PPM1E: variants seen among roughly 807,000 people sequenced by gnomAD.
PPM1E encodes the protein protein phosphatase, Mg2+/Mn2+ dependent 1E, also known as protein phosphatase 1E.
Under a neutral mutation model 65.9 loss-of-function variants are expected in PPM1E, and 20 were observed. The observed-to-expected ratio is 0.30, with a 90% CI of 0.21 to 0.44. The LOEUF (loss-of-function observed/expected upper bound fraction) is 0.44. PPM1E is among the 20% of genes least tolerant of loss of function. The pLI is 1.00. For synonymous variants in PPM1E, 352 were observed against 374.9 expected (o/e 0.94, Z 0.70); for missense variants, 713 against 953.1 (o/e 0.75, Z 3.32).
At chr17:58,845,754 C>G (rs2050764796) in intron 1 of PPM1E, among the ~76,000 whole-genome samples, 1 of 152,178 alleles carries the variant, frequency 6.6e-6, no homozygotes, top group Admixed American at 6.5e-5. Flanking sequence ...GATCTTGGCT[C>G]ACTGCAACCT....
Position 58,756,466 on chromosome 17 carries a change from A to G in PPM1E, c.464+5A>G. On this transcript the variant is annotated splice_donor_5th_base_variant and intron_variant, in intron 1 of 6. Coordinates refer to ENST00000308249, the MANE Select transcript of PPM1E (RefSeq NM_014906.5). ...CCTGCAGCAGCTCTACAAATAGTTA[A>G]GTAGCTGGGCTTGGCTGGTGGTGGG... 7.8e-7 allele frequency: 1 copy of G among 1,290,094 alleles called. No homozygotes were observed. Among genetic ancestry groups the G allele is most frequent in the Non-Finnish European group, 9.8e-7 (1 of 1,017,516 alleles). 79.9% of individuals were successfully genotyped at this position (1,290,094 alleles called of 1,614,324 possible).
chr17:58,912,590 A>C (rs971410342), intron 1 of PPM1E, among the ~76,000 whole-genome samples: 4 of 152,162 alleles, frequency 2.6e-5, no homozygotes, highest in African/African-American at 9.7e-5. Context: ...GAAATAATAC[A>C]TTTGGTCTTC....
At chr17:58,893,208 A>T (rs1300432397) in intron 1 of PPM1E, among the ~76,000 whole-genome samples, 1 of 152,202 alleles carries the variant, frequency 6.6e-6, no homozygotes, top group Non-Finnish European at 1.5e-5. Context: ...AGCAACCAAG[A>T]TGTCCTTTAG....
At chr17:58,765,210 G>A (rs1268341059) in intron 1 of PPM1E, among the ~76,000 whole-genome samples, 2 of 139,834 alleles carry the variant, frequency 1.4e-5, no homozygotes, top group East Asian at 2.1e-4. Flanking sequence ...ACAGGGTCTC[G>A]CTCTGTCACC....
chr17:58,927,603 T>C (rs2051840072), intron 1 of PPM1E, among the ~76,000 whole-genome samples: 1 of 152,106 alleles, frequency 6.6e-6, no homozygotes, highest in Admixed American at 6.6e-5. Flanking sequence ...ACTGTAGCAG[T>C]GTTACCTCAA....
chr17:58,931,313 G>A (rs2143569627), intron 1 of PPM1E, among the ~76,000 whole-genome samples: 1 of 151,984 alleles, frequency 6.6e-6, no homozygotes, highest in East Asian at 1.9e-4. Flanking sequence ...TTGAACCCGG[G>A]AGGCGGAGGT....
At chr17:58,892,999 T>G (rs2051366907) in intron 1 of PPM1E, among the ~76,000 whole-genome samples, 1 of 152,258 alleles carries the variant, frequency 6.6e-6, no homozygotes, top group Admixed American at 6.5e-5. Flanking sequence ...CTCTCATTCA[T>G]TGCTGGTTGG....
At chr17:58,869,397 T>C (rs4464137) in intron 1 of PPM1E, among the ~76,000 whole-genome samples, 151,650 of 152,278 alleles carry the variant, frequency 1, 75,514 homozygotes, top group Middle Eastern at 1. Flanking sequence ...GCAGATCATT[T>C]GTGAGTGGCT....
At chr17:58,911,599 A>G (rs953659082) in intron 1 of PPM1E, among the ~76,000 whole-genome samples, 1 of 152,134 alleles carries the variant, frequency 6.6e-6, no homozygotes, top group Non-Finnish European at 1.5e-5. Context: ...CTAGAGGTTT[A>G]TTTCTTTGGT....
At chr17:58,851,640 A>G (rs1181124167) in intron 1 of PPM1E, among the ~76,000 whole-genome samples, 1 of 152,136 alleles carries the variant, frequency 6.6e-6, no homozygotes, top group Non-Finnish European at 1.5e-5. Context: ...CTTCCTCTGG[A>G]AGTTTCGTCT....
At chr17:58,832,167 C>G (rs749864012) in intron 1 of PPM1E, among the ~76,000 whole-genome samples, 2 of 152,100 alleles carry the variant, frequency 1.3e-5, no homozygotes, top group South Asian at 2.1e-4. Flanking sequence ...TTTTTCTTCT[C>G]TAGCGTAGAG....
At position 58,980,791 on chromosome 17, in the gene PPM1E, G is replaced by GT; in HGVS notation, c.2028_2029insT (p.Lys677Ter). ...CTCATTTACGCCACCACTACTCAAA[G>GT]AAGTGGCACAGATTCAGGTTTAATC... On this transcript the variant is annotated frameshift_variant, in exon 7 of 7. Transcript: ENST00000308249. LOFTEE classifies it high-confidence loss of function. This position sits in a 1 kb window ranked among gnomAD's most constrained non-coding sequence, Gnocchi z 4.7. 1 of 1,614,184 alleles carries GT rather than the reference G, an allele frequency of 6.2e-7. No individual in the cohort carries two copies. Among genetic ancestry groups the GT allele is most frequent in the Non-Finnish European group, 8.5e-7 (1 of 1,180,022 alleles).
intron 1 of PPM1E, among the ~76,000 whole-genome samples, chr17:58,949,335 A>G (rs1659925453): frequency 6.6e-6 from 1 of 151,870 alleles, no homozygotes; most frequent in Non-Finnish European, 1.5e-5. Context: ...TTTGGTTTCC[A>G]TTTGCGTGGA....
At chr17:58,792,655 A>G (rs749890894) in intron 1 of PPM1E, among the ~76,000 whole-genome samples, 1 of 150,978 alleles carries the variant, frequency 6.6e-6, no homozygotes, top group Non-Finnish European at 1.5e-5. Flanking sequence ...GGCTCATATC[A>G]TAATTATATA....
At chr17:58,857,328 G>T (rs996990250) in intron 1 of PPM1E, among the ~76,000 whole-genome samples, 1 of 151,958 alleles carries the variant, frequency 6.6e-6, no homozygotes, top group East Asian at 1.9e-4. Flanking sequence ...AATAACAGTG[G>T]TTTTTGTTTG....
At chr17:58,773,112 G>T (rs1261600307) in intron 1 of PPM1E, among the ~76,000 whole-genome samples, 1 of 151,718 alleles carries the variant, frequency 6.6e-6, no homozygotes, top group East Asian at 1.9e-4. Flanking sequence ...CTAAAGATTT[G>T]TAAAAGGATA....
intron 1 of PPM1E, among the ~76,000 whole-genome samples, chr17:58,784,671 C>T (rs755303736): frequency 3.3e-5 from 5 of 151,646 alleles, no homozygotes; most frequent in African/African-American, 4.8e-5. Context: ...ATTACAGGCC[C>T]GTGCCACCAC....
At chr17:58,875,061 G>A (rs1310263882) in intron 1 of PPM1E, among the ~76,000 whole-genome samples, 1 of 151,892 alleles carries the variant, frequency 6.6e-6, no homozygotes, top group Non-Finnish European at 1.5e-5. Flanking sequence ...CAATGTAATT[G>A]CCCTTACTTG....
intron 1 of PPM1E, among the ~76,000 whole-genome samples, chr17:58,816,771 T>A (rs1271878695): frequency 5.8e-5 from 1 of 17,224 alleles, no homozygotes; most frequent in African/African-American, 1.8e-4. Flanking sequence ...TATATATATA[T>A]ATATATATAT....
Sources: gnomAD v4.1 joint callset for allele counts (sites outside exome capture counted in the v4.1 genomes callset) on GRCh38, gnomAD v4.1.1 for gene constraint, Gnocchi (gnomAD v3.1) non-coding constraint, MANE v1.5 for transcripts, NCBI Gene and HGNC (gene_info 2026-07-23, HGNC 2026-07-21) for gene names.